The following FAM163A variants were observed in gnomAD, a reference collection of about 807,000 sequenced individuals.
FAM163A encodes the protein family with sequence similarity 163 member A, also known as protein FAM163A.
Under a neutral mutation model 12.0 loss-of-function variants are expected in FAM163A, and 7 were observed. The observed-to-expected ratio is 0.58, with a 90% CI of 0.33 to 1.10. The LOEUF (loss-of-function observed/expected upper bound fraction) is 1.10. Ranked by LOEUF, FAM163A falls within the 50% of genes least tolerant of loss-of-function variation. FAM163A has a pLI of 0.03. For synonymous variants in FAM163A, 101 were observed against 91.0 expected (o/e 1.11, Z -0.62); for missense variants, 202 against 218.6 (o/e 0.92, Z 0.48).
At chr1:179,786,823 T>G (rs1255634464) in intron 1 of FAM163A, among the ~76,000 whole-genome samples, 1 of 152,118 alleles carries the variant, frequency 6.6e-6, no homozygotes, top group African/African-American at 2.4e-5. Context: ...GCCCAAGGCC[T>G]CTGTCCTCAT....
At chr1:179,757,748 G>A (rs376503513) in intron 1 of FAM163A, among the ~76,000 whole-genome samples, 34 of 152,208 alleles carry the variant, frequency 2.2e-4, no homozygotes, top group African/African-American at 8.0e-4. Flanking sequence ...GGAGGTGGAG[G>A]TTGCAGTGAG....
At chr1:179,775,660 G>T (rs1688854836) in intron 1 of FAM163A, among the ~76,000 whole-genome samples, 2 of 152,242 alleles carry the variant, frequency 1.3e-5, no homozygotes, top group East Asian at 3.9e-4. Context: ...TTATAGCCTG[G>T]CACAGTGCCT....
At chr1:179,736,998 C>T in the FAM163A span, among the ~76,000 whole-genome samples, 1 of 151,944 alleles carries the variant, frequency 6.6e-6, no homozygotes. Flanking sequence ...CCATATGATC[C>T]AGTAATCCCA....
intron 1 of FAM163A, among the ~76,000 whole-genome samples, chr1:179,794,608 C>T (rs1217141743): frequency 1.3e-5 from 2 of 152,094 alleles, no homozygotes; most frequent in East Asian, 3.9e-4. Flanking sequence ...GACAGTAATC[C>T]TCTGCTTTTG....
chr1:179,813,669 G>A, intron 4 of FAM163A, 110 bp from the exon 5 acceptor site: 1 of 1,283,462 alleles, frequency 7.8e-7, no homozygotes, highest in Non-Finnish European at 1.1e-6. Flanking sequence ...TCAGTGCCTG[G>A]CACTAGGTTC....
intron 1 of FAM163A, among the ~76,000 whole-genome samples, chr1:179,801,462 G>A (rs573922302): frequency 3.3e-5 from 5 of 152,110 alleles, no homozygotes; most frequent in Non-Finnish European, 5.9e-5. Context: ...CAGCTCAGAG[G>A]GCTAACTGCA....
chr1:179,799,373 G>A (rs763699339), intron 1 of FAM163A, among the ~76,000 whole-genome samples: 2 of 152,222 alleles, frequency 1.3e-5, no homozygotes, highest in Admixed American at 6.5e-5. Context: ...CCTGTGAATG[G>A]CCAACAATTC....
At chr1:179,732,425 CAT>C in the FAM163A span, among the ~76,000 whole-genome samples, 19 of 152,318 alleles carry the variant, frequency 1.2e-4, no homozygotes, top group African/African-American at 3.6e-4. Context: ...CAGAACCACA[CAT>C]GTTTTTTGAC....
intron 1 of FAM163A, among the ~76,000 whole-genome samples, chr1:179,764,073 T>C (rs1306746138): frequency 6.6e-6 from 1 of 152,080 alleles, no homozygotes; most frequent in Admixed American, 6.5e-5. Context: ...TCAGGTGAAA[T>C]AGAGAGCTGA....
chr1:179,770,944 A>G (rs1688193141), intron 1 of FAM163A, among the ~76,000 whole-genome samples: 1 of 152,196 alleles, frequency 6.6e-6, no homozygotes, highest in African/African-American at 2.4e-5. Flanking sequence ...AGTATCCTCA[A>G]GTCCGCAGAT....
the FAM163A span, among the ~76,000 whole-genome samples, chr1:179,734,036 C>T: frequency 3.0e-3 from 456 of 152,264 alleles, 6 homozygotes; most frequent in African/African-American, 0.01. Flanking sequence ...CCAATAGTGT[C>T]TGGAGCAGCA....
At chr1:179,739,842 T>G (rs921288999), upstream of FAM163A, among the ~76,000 whole-genome samples, 4 of 152,210 alleles carry the variant, frequency 2.6e-5, no homozygotes, top group Non-Finnish European at 5.9e-5. Context: ...GAATGGAATT[T>G]AAAATCACAA....
chr1:179,754,260 G>A (rs1318679881), intron 1 of FAM163A, among the ~76,000 whole-genome samples: 1 of 152,082 alleles, frequency 6.6e-6, no homozygotes, highest in African/African-American at 2.4e-5. Context: ...AGGGAAAAGG[G>A]AGAAGAGGTT....
the FAM163A span, among the ~76,000 whole-genome samples, chr1:179,732,880 C>CAAAAAAAAA: frequency 7.7e-5 from 3 of 39,146 alleles, no homozygotes; most frequent in Admixed American, 4.2e-4. Context: ...GACTCTGCCT[C>CAAAAAAAAA]AAAAAAAAAA....
At chr1:179,776,034 T>C (rs1688919686) in intron 1 of FAM163A, among the ~76,000 whole-genome samples, 1 of 152,130 alleles carries the variant, frequency 6.6e-6, no homozygotes, top group Non-Finnish European at 1.5e-5. Context: ...GGGAGATTGT[T>C]ACATATGAGG....
chr1:179,744,250 C>A (rs945852421), intron 1 of FAM163A, among the ~76,000 whole-genome samples: 1 of 152,058 alleles, frequency 6.6e-6, no homozygotes, highest in Non-Finnish European at 1.5e-5. Context: ...AGCGGGCGAC[C>A]GCACTCCGAT....
At chr1:179,744,905 C>A (rs1306014764) in intron 1 of FAM163A, among the ~76,000 whole-genome samples, 2 of 152,170 alleles carry the variant, frequency 1.3e-5, no homozygotes, top group African/African-American at 4.8e-5. Context: ...GCTTCAATCC[C>A]GCATGTTCGC....
At chr1:179,792,466 A>G (rs12120743) in intron 1 of FAM163A, among the ~76,000 whole-genome samples, 34,380 of 152,096 alleles carry the variant, frequency 0.23, 4,389 homozygotes, top group Non-Finnish European at 0.29. Flanking sequence ...TATCTTAAAC[A>G]GAAGGCCCAG....
At chr1:179,733,394 G>A in the FAM163A span, among the ~76,000 whole-genome samples, 1 of 152,130 alleles carries the variant, frequency 6.6e-6, no homozygotes, top group Non-Finnish European at 1.5e-5. Context: ...CCCAAGAAAT[G>A]ACTATAAAAC....
Sources: allele counts gnomAD v4.1 joint callset (sites outside exome capture counted in the v4.1 genomes callset), GRCh38; gene constraint gnomAD v4.1.1; transcripts MANE v1.5; gene names NCBI Gene and HGNC (gene_info 2026-07-23, HGNC 2026-07-21).